Variants in PCBP3 observed in about 807,000 individuals in gnomAD.
PCBP3 encodes the protein poly(rC)-binding protein 3.
PCBP3 carries 25 observed loss-of-function variants against 52.7 expected under a neutral mutation model. That is an observed-to-expected ratio of 0.47 (90% confidence interval 0.35 to 0.66). PCBP3 has a LOEUF of 0.66. PCBP3 is among the 30% of genes least tolerant of loss of function. The pLI is 0.01. For synonymous variants in PCBP3, 162 were observed against 183.0 expected (o/e 0.89, Z 0.93); for missense variants, 391 against 490.3 (o/e 0.80, Z 1.91).
At chr21:45,881,777 T>A (rs975621864) in intron 5 of PCBP3, among the ~76,000 whole-genome samples, 24 of 152,068 alleles carry the variant, frequency 1.6e-4, no homozygotes, top group Non-Finnish European at 1.5e-5. Flanking sequence ...TGAGATGCAC[T>A]TTTTTAGATT....
At chr21:45,709,829 TG>T (rs1213743115) in intron 2 of PCBP3, among the ~76,000 whole-genome samples, 2 of 152,218 alleles carry the variant, frequency 1.3e-5, no homozygotes, top group African/African-American at 4.8e-5. Flanking sequence ...ATTTAATCAT[TG>T]TGGTTCCTCA....
intron 4 of PCBP3, among the ~76,000 whole-genome samples, chr21:45,757,559 G>A (rs1344308141): frequency 6.6e-6 from 1 of 151,964 alleles, no homozygotes; most frequent in Admixed American, 6.5e-5. Context: ...TTTTTCTTTG[G>A]TTGTGTGCAG....
At chr21:45,900,781 G>T (rs1258892475) in intron 8 of PCBP3, among the ~76,000 whole-genome samples, 158 bp downstream of exon 8, 2 of 152,198 alleles carry the variant, frequency 1.3e-5, no homozygotes, top group Non-Finnish European at 2.9e-5. Context: ...CAGGCCTCCT[G>T]TGCTCCCCTG....
At chr21:45,815,710 GTGAGTGA>G (rs1603442194) in intron 4 of PCBP3, among the ~76,000 whole-genome samples, 1 of 87,490 alleles carries the variant, frequency 1.1e-5, no homozygotes, top group Admixed American at 1.0e-4. Flanking sequence ...GTGGTGAGTA[GTGAGTGA>G]TGAGTGGTGA....
rs909631198 is a variant in PCBP3, at chr21:45,741,918, G to C, written c.-162+6489G>C. On this transcript the variant is annotated intron_variant, in intron 3 of 17. Transcript: ENST00000681687. This position sits in a 1 kb window ranked among gnomAD's most constrained non-coding sequence, Gnocchi z 4.5. Reference sequence around the variant, plus strand: ...GCCTCTTGCCCAGTGCCCTGGGGGCGGTGGGGAAATTCCAGTCCAGACTGT... The same window carrying C: ...GCCTCTTGCCCAGTGCCCTGGGGGCCGTGGGGAAATTCCAGTCCAGACTGT... Among the ~76,000 whole-genome samples, 1 of 152,136 alleles carries C rather than the reference G, an allele frequency of 6.6e-6. No homozygotes were observed. The highest frequency in any genetic ancestry group is 1.5e-5 in the Non-Finnish European group (1 of 68,020).
At chr21:45,679,684 A>G (rs1044908282) in intron 2 of PCBP3, among the ~76,000 whole-genome samples, 6 of 152,184 alleles carry the variant, frequency 3.9e-5, no homozygotes, top group African/African-American at 1.2e-4. Flanking sequence ...TCTGCTCTTA[A>G]TCCTCTTAAT....
At chr21:45,691,986 C>T (rs1196853052) in intron 2 of PCBP3, among the ~76,000 whole-genome samples, 1 of 152,154 alleles carries the variant, frequency 6.6e-6, no homozygotes, top group Non-Finnish European at 1.5e-5. Context: ...GGGATAGAGT[C>T]ACCCTGAAGG....
intron 2 of PCBP3, among the ~76,000 whole-genome samples, chr21:45,675,839 C>T (rs1603237677): frequency 1.3e-5 from 2 of 152,282 alleles, no homozygotes; most frequent in South Asian, 4.1e-4. Context: ...AAATCAAGAC[C>T]ATGGCACCAA....
intron 4 of PCBP3, among the ~76,000 whole-genome samples, chr21:45,799,653 C>T (rs913015036): frequency 2.7e-5 from 4 of 149,390 alleles, no homozygotes; most frequent in African/African-American, 4.9e-5. Context: ...GCTGTGACCC[C>T]GGTGTCACAG....
At chr21:45,779,575 G>A (rs1165411207) in intron 4 of PCBP3, among the ~76,000 whole-genome samples, 14 of 152,022 alleles carry the variant, frequency 9.2e-5, no homozygotes, top group African/African-American at 2.4e-4. Flanking sequence ...ATTGCATCTC[G>A]TCATCCATCT....
intron 12 of PCBP3, 59 bp downstream of exon 12, chr21:45,914,084 C>T (rs779113436): frequency 6.8e-6 from 11 of 1,611,380 alleles, no homozygotes; most frequent in Admixed American, 3.3e-5. Flanking sequence ...CTGCAGCACC[C>T]GCCGCTGCCC....
chr21:45,722,087 C>T (rs530536601), intron 2 of PCBP3, among the ~76,000 whole-genome samples: 1 of 152,180 alleles, frequency 6.6e-6, no homozygotes, highest in African/African-American at 2.4e-5. Context: ...AAATAATTAA[C>T]AATTGGAAGC....
At chr21:45,677,574 A>G (rs755242278) in intron 2 of PCBP3, among the ~76,000 whole-genome samples, 1 of 152,250 alleles carries the variant, frequency 6.6e-6, no homozygotes, top group Non-Finnish European at 1.5e-5. Context: ...TGTAGACAAA[A>G]TAGCCTTCTA....
At chr21:45,764,750 C>T (rs537012610) in intron 4 of PCBP3, among the ~76,000 whole-genome samples, 3 of 152,200 alleles carry the variant, frequency 2.0e-5, no homozygotes, top group Non-Finnish European at 2.9e-5. Context: ...TAAAAAATAG[C>T]TTTATAATGT....
intron 4 of PCBP3, among the ~76,000 whole-genome samples, chr21:45,843,276 C>T (rs147967416): frequency 2.0e-5 from 3 of 152,304 alleles, no homozygotes; most frequent in East Asian, 1.9e-4. Flanking sequence ...GCTTCCTTTA[C>T]GTGACTACTA....
intron 4 of PCBP3, among the ~76,000 whole-genome samples, chr21:45,808,836 A>G (rs927944071): frequency 4.6e-5 from 7 of 152,330 alleles, no homozygotes; most frequent in Admixed American, 1.3e-4. Flanking sequence ...TGGCACATAT[A>G]TACCACGGAA....
intron 4 of PCBP3, among the ~76,000 whole-genome samples, chr21:45,818,786 T>C (rs965354959): frequency 9.9e-5 from 15 of 152,226 alleles, no homozygotes; most frequent in African/African-American, 3.6e-4. Flanking sequence ...GGCAAATGAA[T>C]ACACCAGTGG....
intron 5 of PCBP3, among the ~76,000 whole-genome samples, chr21:45,888,313 G>A (rs1352355847): frequency 2.6e-5 from 4 of 152,220 alleles, no homozygotes; most frequent in African/African-American, 9.6e-5. Flanking sequence ...GACTGCCTAG[G>A]AAATATTTGT....
At chr21:45,887,108 C>G (rs2095541891) in intron 5 of PCBP3, among the ~76,000 whole-genome samples, 2 of 152,168 alleles carry the variant, frequency 1.3e-5, no homozygotes. Flanking sequence ...GGCTTGCCAG[C>G]TTTTCCACTT....
Sources: gnomAD v4.1 joint callset for allele counts (sites outside exome capture counted in the v4.1 genomes callset) on GRCh38, gnomAD v4.1.1 for gene constraint, Gnocchi (gnomAD v3.1) non-coding constraint, MANE v1.5 for transcripts, NCBI Gene and HGNC (gene_info 2026-07-23, HGNC 2026-07-21) for gene names.